The following P2RY6 variants were observed in gnomAD, a reference collection of about 807,000 sequenced individuals.
P2RY6 encodes the protein pyrimidinergic receptor P2Y6.
A neutral mutation model predicts 16.3 loss-of-function variants in P2RY6; 19 were observed. The observed-to-expected ratio is 1.16, with a 90% confidence interval of 0.81 to 1.71. The LOEUF (loss-of-function observed/expected upper bound fraction) is 1.71. Ranked by LOEUF, P2RY6 falls within the 40% of genes most tolerant of loss-of-function variation. The pLI is 0.00. For synonymous variants in P2RY6, 184 were observed against 201.5 expected, an observed-to-expected ratio of 0.91 and a Z score of 0.74; for missense variants, 389 against 455.5, an observed-to-expected ratio of 0.85 and a Z score of 1.33.
intron 1 of P2RY6, among the ~76,000 whole-genome samples, chr11:73,292,241 G>T (rs1277620611): frequency 6.6e-6 from 1 of 152,258 alleles, no homozygotes; most frequent in Non-Finnish European, 1.5e-5. Flanking sequence ...GGAGGATCTG[G>T]TGACACATAG....
upstream of P2RY6, chr11:73,272,323 A>G (rs540932306): frequency 1.0e-6 from 1 of 985,396 alleles, no homozygotes; most frequent in South Asian, 4.7e-5. Flanking sequence ...CGGTTTCCTC[A>G]TCTGCTGCCT....
intron 1 of P2RY6, among the ~76,000 whole-genome samples, chr11:73,294,398 A>G (rs781073718): frequency 6.6e-6 from 1 of 152,364 alleles, no homozygotes; most frequent in Non-Finnish European, 1.5e-5. Context: ...TGTGAAAACA[A>G]GAGAATGAAC....
chr11:73,293,262 A>T (rs975022230), intron 1 of P2RY6, among the ~76,000 whole-genome samples: 1 of 152,158 alleles, frequency 6.6e-6, no homozygotes, highest in African/African-American at 2.4e-5. Flanking sequence ...GGGAGTCTCC[A>T]TGTCTTGGGA....
At position 73,267,133 on chromosome 11, in the gene P2RY6, T is replaced by A. The variant is rs59041514; in HGVS notation, c.-281+2484T>A. 8.3e-3 allele frequency among the ~76,000 whole-genome samples: 1,266 copies of A among 152,336 alleles called. 21 individuals carry two copies. Among genetic ancestry groups the A allele is most frequent in the African/African-American group, 0.029 (1,204 of 41,570 alleles). ...CTTTCTACACTCCAAAGCTGTAACA[T>A]TCCCCAATTCTGGCTCCAATGTTGG... On this transcript the variant is annotated intron_variant, in intron 1 of 3. Transcript: ENST00000349767.
rs1864574804 is a variant in P2RY6, at chr11:73,297,766, T to C, written c.*261T>C. ...GCCATGGAGAGCTGGGGAAACCACATTAAGGTGCTCACAAAAATACAGTGT... is the reference window on the plus strand; with the variant it reads ...GCCATGGAGAGCTGGGGAAACCACACTAAGGTGCTCACAAAAATACAGTGT... On this transcript the variant is annotated 3_prime_UTR_variant, in exon 3 of 3. Transcript: ENST00000540124. 5 of 524,330 alleles carry C rather than the reference T, an allele frequency of 9.5e-6. No homozygotes were observed. Among genetic ancestry groups the C allele is most frequent in the Non-Finnish European group, 1.7e-5 (5 of 285,858 alleles). The allele number at this position is 524,330 out of a possible 1,614,324, so 32.5% of individuals were successfully genotyped here.
At chr11:73,281,287 T>G (rs1386326289) in intron 1 of P2RY6, among the ~76,000 whole-genome samples, 1 of 152,094 alleles carries the variant, frequency 6.6e-6, no homozygotes, top group African/African-American at 2.4e-5. Flanking sequence ...GACCAGACAC[T>G]CAGGGTGCTA....
chr11:73,289,150 G>A (rs113509157), intron 1 of P2RY6, among the ~76,000 whole-genome samples: 80 of 152,354 alleles, frequency 5.3e-4, no homozygotes, highest in African/African-American at 1.8e-3. Context: ...TAGGATCTAC[G>A]CAGCCTGAAG....
At chr11:73,296,436 T>C (rs1250656991) in intron 2 of P2RY6, 49 bp from the exon 3 acceptor site, 2 of 1,529,492 alleles carry the variant, frequency 1.3e-6, no homozygotes, top group Non-Finnish European at 1.8e-6. Flanking sequence ...CAGGGCCTGC[T>C]GGGTGGTGAG....
chr11:73,288,793 G>C (rs1306137433), intron 1 of P2RY6, among the ~76,000 whole-genome samples: 1 of 152,196 alleles, frequency 6.6e-6, no homozygotes, highest in African/African-American at 2.4e-5. Flanking sequence ...CTCTCCCTAG[G>C]TCACACAGCA....
chr11:73,278,558 T>C (rs1056640954), intron 1 of P2RY6, among the ~76,000 whole-genome samples: 3 of 152,112 alleles, frequency 2.0e-5, no homozygotes, highest in African/African-American at 7.2e-5. Context: ...CAACCCCCAC[T>C]CTACTTTCTG....
At chr11:73,286,614 A>G (rs907843509) in intron 1 of P2RY6, among the ~76,000 whole-genome samples, 1 of 151,676 alleles carries the variant, frequency 6.6e-6, no homozygotes, top group Admixed American at 6.6e-5. Flanking sequence ...CACCGAGGAC[A>G]GAGCCCCGGC....
intron 1 of P2RY6, among the ~76,000 whole-genome samples, chr11:73,290,238 A>G (rs7930891): frequency 0.19 from 28,112 of 148,790 alleles, 3,327 homozygotes; most frequent in African/African-American, 0.33. Context: ...GAAAGAAAGA[A>G]AGAGAGAGTC....
chr11:73,290,373 AAGAG>A (rs1213713418), intron 1 of P2RY6, among the ~76,000 whole-genome samples: 14 of 151,462 alleles, frequency 9.2e-5, no homozygotes, highest in African/African-American at 3.2e-4. Context: ...GAAGGAAAGA[AAGAG>A]AAAGAAAGAA....
At chr11:73,272,959 G>A (rs543397178) in intron 1 of P2RY6, among the ~76,000 whole-genome samples, 1 of 152,254 alleles carries the variant, frequency 6.6e-6, no homozygotes, top group African/African-American at 2.4e-5. Flanking sequence ...CAGGAACTTT[G>A]GTTGAGGGAA....
intron 1 of P2RY6, among the ~76,000 whole-genome samples, chr11:73,276,876 T>C (rs1190147312): frequency 6.6e-6 from 1 of 152,222 alleles, no homozygotes; most frequent in Non-Finnish European, 1.5e-5. Flanking sequence ...AATTATGTCT[T>C]AATTTTGTTT....
Position 73,297,272 on chromosome 11 carries a change from T to C in P2RY6, c.754T>C (p.Phe252Leu). 1 of 1,607,706 alleles carries C rather than the reference T, an allele frequency of 6.2e-7. No individual in the cohort carries two copies. The highest frequency in any genetic ancestry group is 8.5e-7 in the Non-Finnish European group (1 of 1,179,496). The change falls in exon 3 of 3, where the codon TTC becomes CTC. Residue 252 changes from phenylalanine (F) to leucine (L), a missense_variant. Coordinates refer to ENST00000540124, the MANE Select transcript of P2RY6 (RefSeq NM_001277204.2). ...GGTGGCTGCTGCCTTTGCCATCAGCTTCCTGCCTTTTCACATCACCAAGAC... is the reference window on the plus strand; with the variant it reads ...GGTGGCTGCTGCCTTTGCCATCAGCCTCCTGCCTTTTCACATCACCAAGAC... ...VVVAAAFAIS[F>L]LPFHITKTAY...
chr11:73,288,729 G>C (rs1428234499), intron 1 of P2RY6, among the ~76,000 whole-genome samples: 6 of 151,788 alleles, frequency 4.0e-5, no homozygotes, highest in African/African-American at 7.2e-5. Context: ...ACCCTGTATA[G>C]TAGGTAGGTA....
Position 73,297,548 on chromosome 11 carries a change from C to T in P2RY6, c.*43C>T, listed in dbSNP as rs1426874394. Reference sequence around the variant, plus strand: ...CAGCCTTCATATTTGCCATTGTGTCCGGGGCACCAGGAGCCCCACCAACCC... The same window carrying T: ...CAGCCTTCATATTTGCCATTGTGTCTGGGGCACCAGGAGCCCCACCAACCC... On this transcript the variant is annotated 3_prime_UTR_variant, in exon 3 of 3. Coordinates refer to ENST00000540124, the MANE Select transcript of P2RY6 (RefSeq NM_001277204.2). The T allele has an allele frequency of 7.9e-6, 12 of 1,515,370 alleles. No individual in the cohort carries two copies. The highest frequency in any genetic ancestry group is 1.1e-5 in the Non-Finnish European group (12 of 1,106,488). The allele number at this position is 1,515,370 out of a possible 1,614,324, so 93.9% of individuals were successfully genotyped here.
intron 1 of P2RY6, among the ~76,000 whole-genome samples, chr11:73,288,258 A>G (rs1238511630): frequency 6.6e-6 from 1 of 152,142 alleles, no homozygotes; most frequent in African/African-American, 2.4e-5. Flanking sequence ...CCTCATACAT[A>G]GTGGGGTCTT....
Sources: allele counts gnomAD v4.1 joint callset (sites outside exome capture counted in the v4.1 genomes callset), GRCh38; gene constraint gnomAD v4.1.1; transcripts MANE v1.5; gene names NCBI Gene and HGNC (gene_info 2026-07-23, HGNC 2026-07-21).